Variants in MSH3 observed in about 807,000 individuals in gnomAD.
The protein encoded by MSH3 is DNA mismatch repair protein Msh3.
Under a neutral mutation model 123.3 loss-of-function variants are expected in MSH3, and 106 were observed. The observed-to-expected ratio is 0.86, with a 90% CI of 0.73 to 1.01. The LOEUF (loss-of-function observed/expected upper bound fraction) is 1.01. MSH3 is among the 50% of genes least tolerant of loss of function. The probability of loss-of-function intolerance (pLI) is 0.00; values close to 1 mark genes in which losing one functional copy is unlikely to be tolerated. For synonymous variants in MSH3, 515 were observed against 481.4 expected, an observed-to-expected ratio of 1.07 and a Z score of -0.91; for missense variants, 1,459 against 1,347.6, an observed-to-expected ratio of 1.08 and a Z score of -1.29.
At chr5:80,812,663 C>T (rs991131070) in intron 19 of MSH3, among the ~76,000 whole-genome samples, 10 of 147,080 alleles carry the variant, frequency 6.8e-5, no homozygotes, top group Non-Finnish European at 1.5e-4. Context: ...CTCACTGCAA[C>T]CTCCACCTGC....
intron 8 of MSH3, among the ~76,000 whole-genome samples, chr5:80,695,054 G>A (rs1580568364): frequency 7.2e-6 from 1 of 139,742 alleles, no homozygotes; most frequent in African/African-American, 2.6e-5. Context: ...TTTCTTCAAG[G>A]TTTTTGTTGT....
chr5:80,759,607 C>T (rs1011538847), intron 12 of MSH3, among the ~76,000 whole-genome samples: 1 of 152,042 alleles, frequency 6.6e-6, no homozygotes. Context: ...TGGATTTGAA[C>T]CTAAGATTAA....
chr5:80,855,582 A>T (rs1431814090), intron 21 of MSH3: 1 of 152,224 alleles, frequency 6.6e-6, no homozygotes, highest in East Asian at 1.9e-4. Context: ...TCTAGGCTTC[A>T]TGAGAATGAT....
chr5:80,797,464 T>G (rs1358546427), intron 19 of MSH3, among the ~76,000 whole-genome samples: 1 of 147,404 alleles, frequency 6.8e-6, no homozygotes, highest in East Asian at 1.9e-4. Flanking sequence ...ACACAAAATG[T>G]TTTTTTTCAG....
chr5:80,790,347 A>G (rs1040964424), intron 18 of MSH3, among the ~76,000 whole-genome samples: 4 of 152,200 alleles, frequency 2.6e-5, no homozygotes, highest in Admixed American at 2.6e-4. Context: ...TCTAAAGAAC[A>G]AAGACGAAGT....
chr5:80,730,146 T>C (rs1743385678), intron 10 of MSH3, among the ~76,000 whole-genome samples: 1 of 152,200 alleles, frequency 6.6e-6, no homozygotes, highest in South Asian at 2.1e-4. Context: ...TCAGGGATCC[T>C]TGTGCTATAT....
chr5:80,767,526 G>C (rs1744143363), intron 13 of MSH3, among the ~76,000 whole-genome samples: 2 of 152,000 alleles, frequency 1.3e-5, no homozygotes, highest in African/African-American at 4.8e-5. Context: ...AGTTTGTTTA[G>C]CCATTGTTCT....
intron 3 of MSH3, 109 bp downstream of exon 3, chr5:80,665,472 C>T (rs1347732988): frequency 7.5e-6 from 6 of 801,260 alleles, no homozygotes; most frequent in Non-Finnish European, 1.0e-5. Context: ...CTTGGATGGT[C>T]TTCTGAATCA....
intron 8 of MSH3, among the ~76,000 whole-genome samples, chr5:80,684,723 A>T (rs1195244267): frequency 1.3e-5 from 2 of 152,100 alleles, no homozygotes; most frequent in African/African-American, 4.8e-5. Flanking sequence ...CAGTGGTGGT[A>T]GTGGGCATCA....
At chr5:80,848,388 A>G (rs915964344) in intron 20 of MSH3, among the ~76,000 whole-genome samples, 1 of 152,200 alleles carries the variant, frequency 6.6e-6, no homozygotes, top group Admixed American at 6.5e-5. Context: ...TAAGTCTGTC[A>G]TATTCTTAAT....
chr5:80,658,562 C>T (rs541875456), intron 2 of MSH3, among the ~76,000 whole-genome samples: 2 of 152,258 alleles, frequency 1.3e-5, no homozygotes, highest in East Asian at 3.9e-4. Context: ...GAGGATCATT[C>T]ACTAGTCAGA....
chr5:80,750,811 C>CTTGT (rs1743821241), intron 12 of MSH3, among the ~76,000 whole-genome samples: 2 of 152,152 alleles, frequency 1.3e-5, no homozygotes, highest in Admixed American at 1.3e-4. Flanking sequence ...AGTCTTTGCA[C>CTTGT]TTGTTAGTCT....
In MSH3 at chr5:80,654,953, C is replaced by G. The variant is rs1261331525; in HGVS notation, c.226C>G (p.Pro76Ala). 6.8e-7 allele frequency: 1 copy of G among 1,479,468 alleles called. No individual in the cohort carries two copies. Among genetic ancestry groups the G allele is most frequent in the Non-Finnish European group, 9.0e-7 (1 of 1,115,358 alleles). 91.6% of individuals were successfully genotyped at this position (1,479,468 alleles called of 1,614,324 possible). A position where few individuals can be genotyped will look rare whatever the true frequency, so the allele number is the denominator to read the frequency against. ...PPAPAFPPQL[P>A]PHIATEIDRR... ...AGCTCCCGCCTTCCCGCCCCAGCTG[C>G]CGCCGCACATAGTAGGTTCTGTCTG... The change falls in exon 1 of 24, where the codon CCG (proline) becomes GCG (alanine). Residue 76 changes from proline to alanine, a missense_variant. Pro to Ala is a conservative substitution (Grantham distance 27, BLOSUM62 -1). Transcript: ENST00000265081.
intron 12 of MSH3, among the ~76,000 whole-genome samples, chr5:80,761,163 G>GA (rs1290732529): frequency 6.6e-6 from 1 of 152,130 alleles, no homozygotes; most frequent in Non-Finnish European, 1.5e-5. Context: ...CGAAGGAGGA[G>GA]AAAAATGGAA....
intron 23 of MSH3, among the ~76,000 whole-genome samples, chr5:80,874,577 G>A (rs1371413837): frequency 6.6e-6 from 1 of 151,940 alleles, no homozygotes; most frequent in Non-Finnish European, 1.5e-5. Flanking sequence ...AAACTCTTTA[G>A]TTGCCATATT....
intron 6 of MSH3, among the ~76,000 whole-genome samples, chr5:80,674,551 G>C (rs1216846202): frequency 1.3e-5 from 2 of 152,078 alleles, no homozygotes; most frequent in Non-Finnish European, 2.9e-5. Flanking sequence ...CATGGGGTCT[G>C]GTGTACTCCA....
At chr5:80,873,414 A>G in intron 23 of MSH3, 127 bp downstream of exon 23, 2 of 909,930 alleles carry the variant, frequency 2.2e-6, no homozygotes, top group Admixed American at 2.4e-5. Flanking sequence ...ATTCTGAACC[A>G]TTTAATTATG....
intron 12 of MSH3, among the ~76,000 whole-genome samples, chr5:80,760,824 C>T (rs1241379879): frequency 6.6e-6 from 1 of 152,118 alleles, no homozygotes; most frequent in Non-Finnish European, 1.5e-5. Context: ...AATGTGAAAG[C>T]TTATTCAGGA....
In MSH3 at chr5:80,725,512, A is replaced by T. The variant is rs1316678832; in HGVS notation, c.1400A>T (p.His467Leu). Residue 467 changes from histidine (H) to leucine (L), a missense_variant, in exon 9 of 24, where the codon CAT (histidine) becomes CTT (leucine). By Grantham distance (99) the His-to-Leu change is moderately conservative. Coordinates refer to ENST00000265081, the MANE Select transcript of MSH3 (RefSeq NM_002439.5). ...GATAACATTTATTTTGAATACAGCC[A>T]TGCTTTCCAGGCAGTTACAGAGTTT... Reference protein sequence around the residue: ...RMDNIYFEYSHAFQAVTEFYA... With the variant: ...RMDNIYFEYSLAFQAVTEFYA... The T allele has an allele frequency of 1.2e-6, 2 of 1,614,080 alleles. No individual in the cohort carries two copies. Among genetic ancestry groups the T allele is most frequent in the Non-Finnish European group, 1.7e-6 (2 of 1,179,956 alleles).
Sources: gnomAD v4.1 joint callset for allele counts (sites outside exome capture counted in the v4.1 genomes callset) on GRCh38, gnomAD v4.1.1 for gene constraint, MANE v1.5 for transcripts, NCBI Gene and HGNC (gene_info 2026-07-23, HGNC 2026-07-21) for gene names.